DGKB: variants seen among roughly 807,000 people sequenced by gnomAD.
DGKB encodes 90 kDa diacylglycerol kinase.
In DGKB, 67 loss-of-function variants were observed where a neutral mutation model predicts 114.3. That is an observed-to-expected ratio of 0.59 (90% CI 0.48 to 0.72). The LOEUF (loss-of-function observed/expected upper bound fraction) is 0.72. Among genes scored for constraint, DGKB ranks in the 30% least tolerant of loss-of-function variants. The pLI is 0.00. For synonymous variants in DGKB, 398 were observed against 323.1 expected, an observed-to-expected ratio of 1.23 and a Z score of -2.49; for missense variants, 907 against 975.2, an observed-to-expected ratio of 0.93 and a Z score of 0.93.
chr7:14,705,827 G>A (rs1016184612), intron 6 of DGKB, among the ~76,000 whole-genome samples: 3 of 151,886 alleles, frequency 2.0e-5, no homozygotes, highest in Non-Finnish European at 2.9e-5. Flanking sequence ...GCTAAATATG[G>A]AAAGGAACAA....
chr7:14,852,487 C>CAAAAACAAACAAACAAAAAAA (rs1554304205), intron 1 of DGKB, among the ~76,000 whole-genome samples: 19 of 63,634 alleles, frequency 3.0e-4, no homozygotes, highest in Admixed American at 3.2e-4. Context: ...TAGTGAAAGT[C>CAAAAACAAACAAACAAAAAAA]AAAAAAAAAA....
At chr7:14,509,502 C>T (rs1787645639) in intron 20 of DGKB, among the ~76,000 whole-genome samples, 1 of 152,216 alleles carries the variant, frequency 6.6e-6, no homozygotes, top group African/African-American at 2.4e-5. Flanking sequence ...AGTTAAAGAT[C>T]TTAAGTAGTT....
In DGKB at chr7:14,412,917, GT is replaced by G. The variant is rs1825123448; in HGVS notation, c.1835+65243del. Among the ~76,000 whole-genome samples the G allele has an allele frequency of 5.9e-5, 9 of 151,970 alleles. No homozygotes were observed. The South Asian group carries it at 1.9e-3, about 32-fold the overall frequency. On this transcript the variant is annotated intron_variant, in intron 21 of 25. Transcript: ENST00000402815. ...AATCGCTTGAACCCAGGAGGCAGAG[GT>G]TGCAGTGAACTGAGATCATGCCATT...
At chr7:14,311,345 G>A (rs185518948) in intron 23 of DGKB, among the ~76,000 whole-genome samples, 11 of 152,220 alleles carry the variant, frequency 7.2e-5, no homozygotes, top group African/African-American at 2.6e-4. Flanking sequence ...CTTGGTAGTT[G>A]GCAGATCCCC....
At chr7:14,598,593 T>C (rs1802996529) in intron 17 of DGKB, among the ~76,000 whole-genome samples, 1 of 152,208 alleles carries the variant, frequency 6.6e-6, no homozygotes, top group African/African-American at 2.4e-5. Context: ...AGATTATGTA[T>C]TCATCAACTC....
chr7:14,665,094 A>T (rs1428977570), intron 13 of DGKB, among the ~76,000 whole-genome samples: 1 of 152,036 alleles, frequency 6.6e-6, no homozygotes, highest in Non-Finnish European at 1.5e-5. Context: ...TAATCAGCAT[A>T]TTAACACTAT....
At chr7:14,451,932 T>C (rs536400791) in intron 21 of DGKB, among the ~76,000 whole-genome samples, 50 of 152,248 alleles carry the variant, frequency 3.3e-4, no homozygotes, top group African/African-American at 1.1e-3. Flanking sequence ...TATGATTGTT[T>C]AATATTTTAC....
intron 1 of DGKB, among the ~76,000 whole-genome samples, chr7:14,869,973 CCTCT>C: frequency 6.6e-6 from 1 of 152,026 alleles, no homozygotes; most frequent in Non-Finnish European, 1.5e-5. Context: ...ACTTCTCCAA[CCTCT>C]CTATTTTAAA....
intron 20 of DGKB, among the ~76,000 whole-genome samples, chr7:14,567,911 G>C (rs139415586): frequency 1.3e-5 from 2 of 151,472 alleles, no homozygotes; most frequent in African/African-American, 4.8e-5. Flanking sequence ...CCAGCCAGAT[G>C]ACCTGTGTCT....
intron 1 of DGKB, among the ~76,000 whole-genome samples, chr7:14,851,722 G>A (rs1341466493): frequency 6.6e-6 from 1 of 152,058 alleles, no homozygotes; most frequent in East Asian, 1.9e-4. Context: ...TTTCTTTCTT[G>A]GGATACTTGT....
chr7:14,224,673 T>C (rs2128328650), intron 23 of DGKB, among the ~76,000 whole-genome samples: 1 of 152,128 alleles, frequency 6.6e-6, no homozygotes, highest in African/African-American at 2.4e-5. Flanking sequence ...CTGGCTTATC[T>C]TTGTGAATTC....
Position 14,155,561 on chromosome 7 carries a change from G to C in DGKB, c.2305-6323C>G, listed in dbSNP as rs374369633. 2.6e-5 allele frequency among the ~76,000 whole-genome samples: 4 copies of C among 152,182 alleles called. No homozygotes were observed. In the East Asian group the frequency reaches 5.8e-4, roughly 22 times the overall value. On this transcript the variant is annotated intron_variant, in intron 25 of 25. Transcript: ENST00000402815. ...GGGCTGGTGCCATACCAGAGGCATG[G>C]AGATCAAATGGAAGGTTAATTTGAT...
At chr7:14,280,609 A>G (rs1799790195) in intron 23 of DGKB, among the ~76,000 whole-genome samples, 1 of 151,268 alleles carries the variant, frequency 6.6e-6, no homozygotes, top group Non-Finnish European at 1.5e-5. Flanking sequence ...GCAGCCAGAG[A>G]GAAAGGTCGG....
At chr7:14,173,499 A>C (rs1250389486) in intron 25 of DGKB, among the ~76,000 whole-genome samples, 1 of 152,202 alleles carries the variant, frequency 6.6e-6, no homozygotes, top group African/African-American at 2.4e-5. Context: ...TGTTTTATAT[A>C]TTCTACTAAT....
At chr7:14,267,408 A>T (rs899412952) in intron 23 of DGKB, among the ~76,000 whole-genome samples, 1 of 152,072 alleles carries the variant, frequency 6.6e-6, no homozygotes, top group Non-Finnish European at 1.5e-5. Flanking sequence ...TGCCACGTAG[A>T]GCAGAAAGAT....
chr7:14,572,225 G>A (rs1019110967), intron 20 of DGKB, among the ~76,000 whole-genome samples: 2 of 151,824 alleles, frequency 1.3e-5, no homozygotes, highest in African/African-American at 2.4e-5. Context: ...AGGCCGAGGT[G>A]GGCGGATCAT....
chr7:14,627,574 G>T (rs1382607715), intron 14 of DGKB, among the ~76,000 whole-genome samples: 1 of 138,998 alleles, frequency 7.2e-6, no homozygotes, highest in Non-Finnish European at 1.5e-5. Context: ...AATAATGTGT[G>T]TATGTCTGTG....
intron 23 of DGKB, among the ~76,000 whole-genome samples, chr7:14,311,773 C>A (rs1021453331): frequency 6.6e-6 from 1 of 152,194 alleles, no homozygotes; most frequent in South Asian, 2.1e-4. Context: ...TTGTCAGAAA[C>A]AATTTTTTAC....
At chr7:14,245,184 A>G (rs1022697540) in intron 23 of DGKB, among the ~76,000 whole-genome samples, 1 of 151,982 alleles carries the variant, frequency 6.6e-6, no homozygotes. Context: ...ACACACACAC[A>G]CGCACAAAAC....
Sources: allele counts gnomAD v4.1 joint callset (sites outside exome capture counted in the v4.1 genomes callset), GRCh38; gene constraint gnomAD v4.1.1; transcripts MANE v1.5; gene names NCBI Gene and HGNC (gene_info 2026-07-23, HGNC 2026-07-21).